ABHD17B: variants seen among roughly 807,000 people sequenced by gnomAD.
The protein encoded by ABHD17B is abhydrolase domain containing 17B, depalmitoylase.
A neutral mutation model predicts 26.2 loss-of-function variants in ABHD17B; 9 were observed. The ratio of observed to expected loss-of-function variants is 0.34; its 90% confidence interval spans 0.21 to 0.60. The LOEUF is 0.60. Ranked by LOEUF, ABHD17B falls within the 20% of genes least tolerant of loss-of-function variation. ABHD17B has a pLI of 0.80. For synonymous variants in ABHD17B, 127 were observed against 122.3 expected (o/e 1.04, Z -0.25); for missense variants, 224 against 352.1 (o/e 0.64, Z 2.91).
intron 2 of ABHD17B, among the ~76,000 whole-genome samples, chr9:71,871,743 A>C (rs1425959650): frequency 6.6e-6 from 1 of 152,228 alleles, no homozygotes; most frequent in East Asian, 1.9e-4. Context: ...TAATGAGCAG[A>C]TCTTCAAAGT....
Position 71,876,127 on chromosome 9 carries a change from G to A in ABHD17B, c.-3-1044C>T, listed in dbSNP as rs150371027. Among the ~76,000 whole-genome samples the A allele has an allele frequency of 9.1e-3, 1,380 of 152,300 alleles. 11 individuals are homozygous for A. The highest frequency in any genetic ancestry group is 0.016 in the Non-Finnish European group (1,087 of 68,020). ...TGTAATTACTGCCCAAACTAAAAAG[G>A]CTATAATATAAAGTTTATTGTGGAA... On this transcript the variant is annotated intron_variant, in intron 1 of 3. Coordinates refer to ENST00000333421, the MANE Select transcript of ABHD17B (RefSeq NM_001025780.3).
intron 2 of ABHD17B, among the ~76,000 whole-genome samples, chr9:71,871,308 C>T (rs751079051): frequency 1.3e-5 from 2 of 152,220 alleles, no homozygotes; most frequent in Non-Finnish European, 1.5e-5. Context: ...TTCAACTATA[C>T]AGGTAGTAAC....
chr9:71,880,917 A>T (rs1435456607), intron 1 of ABHD17B, among the ~76,000 whole-genome samples: 1 of 151,950 alleles, frequency 6.6e-6, no homozygotes, highest in African/African-American at 2.4e-5. Flanking sequence ...AATTTATATA[A>T]AAGTATAAAG....
chr9:71,901,021 G>A lies in ABHD17B; in HGVS notation c.-4+9613C>T, dbSNP rs150405593. ...CAAAAAATTAGCCGGGCATGGTAGC[G>A]GGCGCCTGTAGTCCCAGCTACTCAG... On this transcript the variant is annotated intron_variant, in intron 1 of 3. Transcript: ENST00000333421. Among the ~76,000 whole-genome samples the A allele has an allele frequency of 9.1e-3, 1,381 of 152,126 alleles. 21 individuals are homozygous for A. The highest frequency in any genetic ancestry group is 0.031 in the African/African-American group (1,281 of 41,506).
At chr9:71,882,468 G>GGCCAACATGGTGAAACCCCGCCTC (rs1564066056) in intron 1 of ABHD17B, among the ~76,000 whole-genome samples, 2 of 152,116 alleles carry the variant, frequency 1.3e-5, no homozygotes, top group Admixed American at 1.3e-4. Context: ...AGACCAGCCT[G>GGCCAACATGGTGAAACCCCGCCTC]GCCAACATGG....
In ABHD17B at chr9:71,865,578, A is replaced by G. The variant is rs1825934256; in HGVS notation, c.*1209T>C. The G allele has an allele frequency of 3.0e-6, 3 of 985,204 alleles. No individual in the cohort carries two copies. Among genetic ancestry groups the G allele is most frequent in the African/African-American group, 1.7e-5 (1 of 57,240 alleles). The allele number at this position is 985,204 out of a possible 1,614,324, so 61.0% of individuals were successfully genotyped here. A position where few individuals can be genotyped will look rare whatever the true frequency, so the allele number is the denominator to read the frequency against. ...ATAGGTCCTATTTTTAAAAATAGCT[A>G]AAGTGGGCCAGGCGCAGTGGCTCAT... On this transcript the variant is annotated 3_prime_UTR_variant, in exon 4 of 4. Transcript: ENST00000333421.
chr9:71,862,701 TAAGA>T (rs10573097), downstream of ABHD17B: 650,091 of 663,416 alleles, frequency 0.98, 318,832 homozygotes, highest in East Asian at 1. Flanking sequence ...AAATCACTCT[TAAGA>T]TTTTGTCATG....
In ABHD17B at chr9:71,865,242, C is replaced by G; in HGVS notation, c.*1545G>C. ...GATATACTTTGAAGAGAGTCATATA[C>G]TATAGTCTTAAACATAACCACGGAA... On this transcript the variant is annotated 3_prime_UTR_variant, in exon 4 of 4. Coordinates refer to ENST00000333421, the MANE Select transcript of ABHD17B (RefSeq NM_001025780.3). 4.1e-6 allele frequency: 4 copies of G among 985,568 alleles called. No homozygotes were observed. The highest frequency in any genetic ancestry group is 4.8e-6 in the Non-Finnish European group (4 of 829,822). 61.1% of individuals were successfully genotyped at this position (985,568 alleles called of 1,614,324 possible).
chr9:71,870,522 T>G (rs1159931792), intron 2 of ABHD17B, among the ~76,000 whole-genome samples: 1 of 152,226 alleles, frequency 6.6e-6, no homozygotes, highest in Non-Finnish European at 1.5e-5. Flanking sequence ...AGAAATAAAT[T>G]TATTAAATAA....
chr9:71,904,576 G>A (rs770952218), intron 1 of ABHD17B, among the ~76,000 whole-genome samples: 2 of 152,126 alleles, frequency 1.3e-5, no homozygotes, highest in Admixed American at 6.6e-5. Context: ...AGCAAACTCC[G>A]AAATGTGGAA....
In ABHD17B at chr9:71,891,953, C is replaced by A. The variant is rs114724515; in HGVS notation, c.-3-16870G>T. 1.9e-3 allele frequency among the ~76,000 whole-genome samples: 288 copies of A among 152,302 alleles called. 1 individual carries two copies. Among genetic ancestry groups the A allele is most frequent in the African/African-American group, 6.8e-3 (283 of 41,572 alleles). On this transcript the variant is annotated intron_variant, in intron 1 of 3. Transcript: ENST00000333421. ...GAAGCCTTTGGACAGCACGATAGCA[C>A]AGTGTAGTCCAAAGAGCACTAAGAA...
chr9:71,907,098 A>C (rs1212330753), intron 1 of ABHD17B, among the ~76,000 whole-genome samples: 2 of 152,234 alleles, frequency 1.3e-5, no homozygotes, highest in Non-Finnish European at 2.9e-5. Flanking sequence ...TAGAAGTCTT[A>C]CACAACAGAT....
chr9:71,874,322 C>T (rs972589645), intron 2 of ABHD17B, among the ~76,000 whole-genome samples: 2 of 151,906 alleles, frequency 1.3e-5, no homozygotes, highest in African/African-American at 4.8e-5. Flanking sequence ...GTAACTAGGA[C>T]TATAGGCATG....
At chr9:71,909,866 C>T (rs1349201257) in intron 1 of ABHD17B, among the ~76,000 whole-genome samples, 1 of 151,084 alleles carries the variant, frequency 6.6e-6, no homozygotes, top group Non-Finnish European at 1.5e-5. Context: ...GATCAAAGAT[C>T]TGAACTTTTT....
chr9:71,901,969 C>T (rs1827156954), intron 1 of ABHD17B, among the ~76,000 whole-genome samples: 1 of 152,168 alleles, frequency 6.6e-6, no homozygotes, highest in African/African-American at 2.4e-5. Context: ...CCCTACCCTC[C>T]TTGGTCTCTA....
At chr9:71,898,469 TAAA>T (rs1302487869) in intron 1 of ABHD17B, among the ~76,000 whole-genome samples, 3 of 104,996 alleles carry the variant, frequency 2.9e-5, no homozygotes, top group Admixed American at 1.0e-4. Context: ...CCATCTCTAC[TAAA>T]AAAAAAAAAA....
Position 71,865,603 on chromosome 9 carries a change from T to C in ABHD17B, c.*1184A>G, listed in dbSNP as rs1412263700. On this transcript the variant is annotated 3_prime_UTR_variant, in exon 4 of 4. Transcript: ENST00000333421. Reference sequence around the variant, plus strand: ...AAAGTGGGCCAGGCGCAGTGGCTCATGCCTGTAATTCCGACACTTTGGGAG... The same window carrying C: ...AAAGTGGGCCAGGCGCAGTGGCTCACGCCTGTAATTCCGACACTTTGGGAG... The C allele has an allele frequency of 6.1e-6, 6 of 981,760 alleles. No individual in the cohort carries two copies. The East Asian group carries it at 3.4e-4, about 56-fold the overall frequency. 60.8% of individuals were successfully genotyped at this position (981,760 alleles called of 1,614,324 possible).
rs1826064558 is a variant in ABHD17B, at chr9:71,869,989, T to C, written c.647+94A>G. On this transcript the variant is annotated intron_variant, in intron 3 of 3. Transcript: ENST00000333421. ...ATGTGCTAATATATATAAAATGAAG[T>C]TTATGGTTGAGTGAACTGTGTCATG... 6 of 1,162,934 alleles carry C rather than the reference T, an allele frequency of 5.2e-6. No individual in the cohort carries two copies. The Admixed American group carries it at 9.7e-5, about 19-fold the overall frequency. 72.0% of individuals were successfully genotyped at this position (1,162,934 alleles called of 1,614,324 possible).
chr9:71,876,658 T>G (rs1341024622), intron 1 of ABHD17B, among the ~76,000 whole-genome samples: 1 of 151,174 alleles, frequency 6.6e-6, no homozygotes, highest in African/African-American at 2.4e-5. Flanking sequence ...AGTACCCTAT[T>G]ACACCAAAAA....
Sources: gnomAD v4.1 joint callset for allele counts (sites outside exome capture counted in the v4.1 genomes callset) on GRCh38, gnomAD v4.1.1 for gene constraint, MANE v1.5 for transcripts, NCBI Gene and HGNC (gene_info 2026-07-23, HGNC 2026-07-21) for gene names.